Variants in GYPE observed in about 807,000 individuals in gnomAD.
GYPE encodes the protein glycophorin E (MNS blood group), also known as glycophorin-E.
GYPE carries 8 observed loss-of-function variants against 11.6 expected under a neutral mutation model. The ratio of observed to expected loss-of-function variants is 0.69; its 90% CI spans 0.41 to 1.25. The LOEUF (loss-of-function observed/expected upper bound fraction) is 1.25. Among genes scored for constraint, GYPE ranks in the 50% most tolerant of loss-of-function variants. The probability of loss-of-function intolerance (pLI) is 0.01; values close to 1 mark genes in which losing one functional copy is unlikely to be tolerated. For synonymous variants in GYPE, 28 were observed against 29.6 expected (o/e 0.94, Z 0.18); for missense variants, 90 against 92.8 (o/e 0.97, Z 0.12).
chr4:143,876,215 G>A (rs1743802872), intron 3 of GYPE, among the ~76,000 whole-genome samples: 1 of 152,008 alleles, frequency 6.6e-6, no homozygotes, highest in South Asian at 2.1e-4. Context: ...CCAGGCTGAA[G>A]CAATCCTCCC....
chr4:143,882,689 T>C lies in GYPE; in HGVS notation c.38-2180A>G, dbSNP rs185168175. On this transcript the variant is annotated intron_variant, in intron 1 of 3. Coordinates refer to ENST00000358615, the MANE Select transcript of GYPE (RefSeq NM_198682.3). ...CTCTCATCCTTCACTCAGGTGTGCT[T>C]GTCACTTCCATTTCTAACTTTCATC... Among the ~76,000 whole-genome samples the C allele has an allele frequency of 3.3e-5, 5 of 152,280 alleles. 1 individual carries two copies. Among genetic ancestry groups the C allele is most frequent in the Admixed American group, 1.3e-4 (2 of 15,304 alleles).
chr4:143,901,184 C>G (rs946940275), intron 1 of GYPE, among the ~76,000 whole-genome samples: 5 of 152,020 alleles, frequency 3.3e-5, no homozygotes, highest in Non-Finnish European at 7.4e-5. Flanking sequence ...ACACTACAAA[C>G]AAAGATGACA....
At chr4:143,875,490 T>G in intron 3 of GYPE, 1 of 1,551,108 alleles carries the variant, frequency 6.4e-7, no homozygotes, top group Non-Finnish European at 8.7e-7. Flanking sequence ...TCAGGCAGCA[T>G]GCAGGCCACA....
intron 1 of GYPE, among the ~76,000 whole-genome samples, chr4:143,890,749 C>T (rs542026671): frequency 6.6e-6 from 1 of 152,140 alleles, no homozygotes; most frequent in Non-Finnish European, 1.5e-5. Context: ...TTAGCCTGAA[C>T]GACTTTAGAA....
chr4:143,895,240 T>C (rs1411420228), intron 1 of GYPE, among the ~76,000 whole-genome samples: 1 of 152,184 alleles, frequency 6.6e-6, no homozygotes, highest in East Asian at 1.9e-4. Flanking sequence ...ACGACATGAT[T>C]GTATATCTAG....
intron 1 of GYPE, among the ~76,000 whole-genome samples, chr4:143,901,000 T>A (rs1744844894): frequency 6.6e-6 from 1 of 152,212 alleles, no homozygotes; most frequent in African/African-American, 2.4e-5. Flanking sequence ...ACTACAATTT[T>A]AAAAATTAAG....
In GYPE at chr4:143,875,898, A is replaced by G. The variant is rs548078849; in HGVS notation, c.*9+848T>C. ...CTGAAGCACGAGAATCACTTGAACCAGGGAGGCAGAGGCTGCAGTGAGCAG... is the reference window on the plus strand; with the variant it reads ...CTGAAGCACGAGAATCACTTGAACCGGGGAGGCAGAGGCTGCAGTGAGCAG... On this transcript the variant is annotated intron_variant, in intron 3 of 3. Coordinates refer to ENST00000358615, the MANE Select transcript of GYPE (RefSeq NM_198682.3). 2.6e-5 allele frequency among the ~76,000 whole-genome samples: 4 copies of G among 151,934 alleles called. No homozygotes were observed. In the South Asian group the frequency reaches 8.3e-4, roughly 32 times the overall value.
chr4:143,890,548 T>C (rs1744365346), intron 1 of GYPE, among the ~76,000 whole-genome samples: 1 of 152,224 alleles, frequency 6.6e-6, no homozygotes, highest in African/African-American at 2.4e-5. Context: ...CTTGACTGCA[T>C]GGTAGAATCA....
intron 1 of GYPE, among the ~76,000 whole-genome samples, chr4:143,896,590 T>A (rs1744650212): frequency 6.6e-6 from 1 of 152,160 alleles, no homozygotes; most frequent in Admixed American, 6.5e-5. Context: ...ATTGTGGAAG[T>A]CAGTGTGGCG....
intron 1 of GYPE, among the ~76,000 whole-genome samples, chr4:143,880,841 G>A (rs1369880127): frequency 6.6e-6 from 1 of 152,072 alleles, no homozygotes; most frequent in African/African-American, 2.4e-5. Context: ...TGTGTATGTG[G>A]TGTGTGTGTA....
At chr4:143,897,745 G>A (rs1744710978) in intron 1 of GYPE, among the ~76,000 whole-genome samples, 1 of 152,046 alleles carries the variant, frequency 6.6e-6, no homozygotes, top group Non-Finnish European at 1.5e-5. Flanking sequence ...CCATTGACCA[G>A]TGGCTCATGC....
At chr4:143,878,979 A>G (rs538287746) in intron 2 of GYPE, among the ~76,000 whole-genome samples, 1 of 152,338 alleles carries the variant, frequency 6.6e-6, no homozygotes, top group South Asian at 2.1e-4. Context: ...GACTTCCACA[A>G]GAAGCAATGC....
chr4:143,877,122 C>T (rs1743846231), intron 2 of GYPE, among the ~76,000 whole-genome samples: 1 of 152,168 alleles, frequency 6.6e-6, no homozygotes, highest in African/African-American at 2.4e-5. Context: ...CTTCTGATTC[C>T]AGACCCAGCG....
At chr4:143,894,142 G>T (rs567776021) in intron 1 of GYPE, among the ~76,000 whole-genome samples, 1 of 151,926 alleles carries the variant, frequency 6.6e-6, no homozygotes, top group Non-Finnish European at 1.5e-5. Flanking sequence ...AGTTCTCGAG[G>T]CTTGGCTTTC....
intron 1 of GYPE, among the ~76,000 whole-genome samples, chr4:143,882,874 T>G (rs191114521): frequency 6.6e-6 from 1 of 152,220 alleles, no homozygotes; most frequent in Admixed American, 6.5e-5. Flanking sequence ...ATCCCATTAT[T>G]TTGAATTTTC....
intron 3 of GYPE, among the ~76,000 whole-genome samples, chr4:143,872,610 C>T (rs544255523): frequency 6.6e-6 from 1 of 152,058 alleles, no homozygotes; most frequent in African/African-American, 2.4e-5. Context: ...CTATTTCATT[C>T]AATGAAATTT....
Position 143,871,277 on chromosome 4 carries a change from A to G in GYPE, c.*985T>C, listed in dbSNP as rs1475351830. On this transcript the variant is annotated 3_prime_UTR_variant, in exon 4 of 4. Transcript: ENST00000358615. Reference sequence around the variant, plus strand: ...GGACCCATAGTCATTACCTTCAAGGAACCTAAATCCTGGTGTTTTTATGGT... The same window carrying G: ...GGACCCATAGTCATTACCTTCAAGGGACCTAAATCCTGGTGTTTTTATGGT... The G allele has an allele frequency of 2.0e-5, 3 of 152,088 alleles. No individual in the cohort carries two copies. The highest frequency in any genetic ancestry group is 1.9e-4 in the East Asian group (1 of 5,176). The allele number at this position is 152,088 out of a possible 1,614,324, so 9.4% of individuals were successfully genotyped here.
At chr4:143,900,350 C>A (rs2590013) in intron 1 of GYPE, among the ~76,000 whole-genome samples, 111,440 of 119,932 alleles carry the variant, frequency 0.93, 52,553 homozygotes, top group East Asian at 1. Context: ...GTGAAAAGGT[C>A]AAAAGGTGCA....
chr4:143,899,451 T>G (rs1388643323), intron 1 of GYPE, among the ~76,000 whole-genome samples: 3 of 152,200 alleles, frequency 2.0e-5, no homozygotes, highest in Non-Finnish European at 4.4e-5. Flanking sequence ...ACATAATTTT[T>G]TTTTGCAAGA....
Sources: allele counts gnomAD v4.1 joint callset (sites outside exome capture counted in the v4.1 genomes callset), GRCh38; gene constraint gnomAD v4.1.1; transcripts MANE v1.5; gene names NCBI Gene and HGNC (gene_info 2026-07-23, HGNC 2026-07-21).